The following PLEKHA5 variants were observed in gnomAD, a reference collection of about 807,000 sequenced individuals.
PLEKHA5 encodes pleckstrin homology domain containing A5, also known as pleckstrin homology domain-containing family A member 5.
PLEKHA5 carries 55 observed loss-of-function variants against 181.9 expected under a neutral mutation model. That is an observed-to-expected ratio of 0.30 (90% CI 0.24 to 0.38). The LOEUF is 0.38. Ranked by LOEUF, PLEKHA5 falls within the 10% of genes least tolerant of loss-of-function variation. PLEKHA5 has a pLI of 1.00. For missense variants in PLEKHA5, 1,432 were observed against 1,549.5 expected (o/e 0.92, Z 1.27); for synonymous variants, 535 against 529.4 (o/e 1.01, Z -0.15).
chr12:19,170,334 G>T (rs773641249), intron 3 of PLEKHA5, among the ~76,000 whole-genome samples: 4 of 151,966 alleles, frequency 2.6e-5, no homozygotes, highest in Non-Finnish European at 5.9e-5. Context: ...CAGATATTTT[G>T]TGTATAAATA....
intron 3 of PLEKHA5, among the ~76,000 whole-genome samples, chr12:19,227,177 G>T (rs1292349746): frequency 6.6e-6 from 1 of 151,798 alleles, no homozygotes; most frequent in African/African-American, 2.4e-5. Context: ...TACTTTTTTG[G>T]GGGTCACAGA....
At chr12:19,216,303 CAT>C (rs2057966765) in intron 3 of PLEKHA5, among the ~76,000 whole-genome samples, 1 of 152,106 alleles carries the variant, frequency 6.6e-6, no homozygotes, top group Admixed American at 6.5e-5. Context: ...AAGAGAGTAA[CAT>C]TGAACTCATC....
At chr12:19,143,068 A>G in intron 3 of PLEKHA5, among the ~76,000 whole-genome samples, 1 of 152,264 alleles carries the variant, frequency 6.6e-6, no homozygotes, top group East Asian at 1.9e-4. Context: ...GGCTATTGTC[A>G]GTAATGCTGC....
chr12:19,219,890 A>G (rs2058663174), intron 3 of PLEKHA5, among the ~76,000 whole-genome samples: 1 of 152,138 alleles, frequency 6.6e-6, no homozygotes, highest in Non-Finnish European at 1.5e-5. Context: ...TGTCAAGCAT[A>G]CCATAAAACA....
chr12:19,263,594 T>C (rs778847582), intron 7 of PLEKHA5, among the ~76,000 whole-genome samples: 20 of 152,146 alleles, frequency 1.3e-4, no homozygotes, highest in Admixed American at 6.6e-5. Context: ...ACAGAGAAAA[T>C]AACTGATTTG....
intron 15 of PLEKHA5, among the ~76,000 whole-genome samples, chr12:19,312,594 C>A (rs1330939064): frequency 6.6e-6 from 1 of 152,230 alleles, no homozygotes. Context: ...TCTGCAGCTT[C>A]CTCATCTCTC....
intron 25 of PLEKHA5, among the ~76,000 whole-genome samples, chr12:19,349,984 C>T (rs2094516522): frequency 1.3e-5 from 2 of 152,132 alleles, no homozygotes; most frequent in Admixed American, 1.3e-4. Flanking sequence ...TGGTAGCACA[C>T]ACCTGTAGTC....
intron 11 of PLEKHA5, among the ~76,000 whole-genome samples, chr12:19,280,804 A>G (rs1375284836): frequency 6.7e-6 from 1 of 150,348 alleles, no homozygotes; most frequent in East Asian, 2.0e-4. Flanking sequence ...TCCACCTCCC[A>G]GGTTTAAGTG....
At chr12:19,232,302 G>A (rs79043448) in intron 3 of PLEKHA5, among the ~76,000 whole-genome samples, 93 of 152,172 alleles carry the variant, frequency 6.1e-4, no homozygotes, top group African/African-American at 2.1e-3. Flanking sequence ...AGGGAGATTG[G>A]GGTAGATCTC....
chr12:19,334,829 A>AAAAAAATAT, intron 20 of PLEKHA5, among the ~76,000 whole-genome samples: 21 of 18,594 alleles, frequency 1.1e-3, no homozygotes, highest in African/African-American at 2.3e-3. Flanking sequence ...AAAAAAAAAA[A>AAAAAAATAT]ATATATATAT....
intron 3 of PLEKHA5, among the ~76,000 whole-genome samples, chr12:19,235,919 T>C (rs1031831347): frequency 1.3e-5 from 2 of 152,188 alleles, no homozygotes; most frequent in Non-Finnish European, 2.9e-5. Context: ...GTTACCTCTT[T>C]TTGGAGGATA....
intron 21 of PLEKHA5, among the ~76,000 whole-genome samples, chr12:19,342,104 A>G (rs1003438872): frequency 2.0e-5 from 3 of 152,190 alleles, no homozygotes; most frequent in Admixed American, 1.3e-4. Flanking sequence ...TCTAATATCT[A>G]TAGTCATTAA....
intron 30 of PLEKHA5, among the ~76,000 whole-genome samples, 173 bp downstream of exon 30, chr12:19,366,282 A>G (rs2095419706): frequency 6.6e-6 from 1 of 152,058 alleles, no homozygotes; most frequent in Non-Finnish European, 1.5e-5. Flanking sequence ...GCCAGAGTCT[A>G]CCCTGGCAGA....
Position 19,322,676 on chromosome 12 carries a change from A to G in PLEKHA5, c.2448+9A>G. ...TTTCTCGAGCCACTGCCGTAAGTAG[A>G]TTTTTTTTTTCCCCTAATAAAAGTA... is the stretch of plus-strand genomic sequence containing the variant. On this transcript the variant is annotated intron_variant, in intron 20 of 31. Transcript: ENST00000429027. The G allele has an allele frequency of 6.5e-7, 1 of 1,526,882 alleles. No homozygotes were observed. Among genetic ancestry groups the G allele is most frequent in the South Asian group, 1.2e-5 (1 of 80,762 alleles). 94.6% of individuals were successfully genotyped at this position (1,526,882 alleles called of 1,614,324 possible). A position where few individuals can be genotyped will look rare whatever the true frequency, so the allele number is the denominator to read the frequency against.
chr12:19,148,781 A>G (rs1048747077), intron 3 of PLEKHA5, among the ~76,000 whole-genome samples: 3 of 152,234 alleles, frequency 2.0e-5, no homozygotes, highest in Admixed American at 2.0e-4. Flanking sequence ...ATTGTGTATC[A>G]GAAAAGAAGG....
intron 22 of PLEKHA5, among the ~76,000 whole-genome samples, chr12:19,345,391 C>G (rs1405513805): frequency 1.4e-5 from 2 of 147,594 alleles, no homozygotes; most frequent in Non-Finnish European, 3.0e-5. Context: ...CAGAGCGAAA[C>G]TCTGTCTCAA....
At chr12:19,148,471 AAC>A (rs1285289929) in intron 3 of PLEKHA5, among the ~76,000 whole-genome samples, 1 of 152,214 alleles carries the variant, frequency 6.6e-6, no homozygotes, top group Non-Finnish European at 1.5e-5. Flanking sequence ...GTAGCCCCTG[AAC>A]ACACTACGTG....
intron 31 of PLEKHA5, among the ~76,000 whole-genome samples, chr12:19,374,448 A>G (rs1369328269): frequency 1.4e-5 from 2 of 144,118 alleles, no homozygotes. Flanking sequence ...ACACAAGGTC[A>G]GGAGATCGAG....
intron 10 of PLEKHA5, among the ~76,000 whole-genome samples, chr12:19,272,097 T>G (rs1252464862): frequency 6.6e-6 from 1 of 152,180 alleles, no homozygotes; most frequent in Non-Finnish European, 1.5e-5. Flanking sequence ...TCCCTAACTT[T>G]ATAAAGTATT....
Sources: gnomAD v4.1 joint callset for allele counts (sites outside exome capture counted in the v4.1 genomes callset) on GRCh38, gnomAD v4.1.1 for gene constraint, MANE v1.5 for transcripts, NCBI Gene and HGNC (gene_info 2026-07-23, HGNC 2026-07-21) for gene names.